SMAP1: variants seen among roughly 807,000 people sequenced by gnomAD.
SMAP1 encodes the protein small ArfGAP 1, also known as stromal membrane-associated protein 1.
A neutral mutation model predicts 58.5 loss-of-function variants in SMAP1; 24 were observed. The observed-to-expected ratio is 0.41, with a 90% CI of 0.30 to 0.58. The LOEUF (loss-of-function observed/expected upper bound fraction) is 0.58, where lower values mean the gene tolerates loss of function less well. Among genes scored for constraint, SMAP1 ranks in the 20% least tolerant of loss-of-function variants. The probability of loss-of-function intolerance (pLI) is 0.29; values close to 1 mark genes in which losing one functional copy is unlikely to be tolerated. For synonymous variants in SMAP1, 216 were observed against 196.6 expected (o/e 1.10, Z -0.82); for missense variants, 563 against 566.3 (o/e 0.99, Z 0.06).
intron 9 of SMAP1, 103 bp from the exon 10 acceptor site, chr6:70,857,818 GT>G (rs1288455915): frequency 3.1e-6 from 4 of 1,271,126 alleles, no homozygotes; most frequent in East Asian, 4.8e-5. Context: ...GAATTAAAAT[GT>G]TTGCTGTGAG....
chr6:70,841,056 T>C (rs200166635), intron 7 of SMAP1, among the ~76,000 whole-genome samples: 1 of 152,240 alleles, frequency 6.6e-6, no homozygotes, highest in East Asian at 1.9e-4. Flanking sequence ...ATTGACAGAC[T>C]GCTTACCAAT....
At chr6:70,800,914 T>C (rs1465337374) in intron 6 of SMAP1, among the ~76,000 whole-genome samples, 1 of 152,206 alleles carries the variant, frequency 6.6e-6, no homozygotes, top group African/African-American at 2.4e-5. Flanking sequence ...ATCCAGTCTA[T>C]CATTGATGGA....
chr6:70,740,806 A>G (rs1226307363), intron 2 of SMAP1, among the ~76,000 whole-genome samples: 4 of 152,196 alleles, frequency 2.6e-5, no homozygotes, highest in Non-Finnish European at 5.9e-5. Flanking sequence ...GTAATTTCTA[A>G]AGAAAAAGAG....
At chr6:70,787,411 A>T (rs923438156) in intron 4 of SMAP1, among the ~76,000 whole-genome samples, 11 of 152,198 alleles carry the variant, frequency 7.2e-5, no homozygotes, top group Non-Finnish European at 7.4e-5. Context: ...TGTCTAAAAC[A>T]CCAAGAGCAA....
intron 1 of SMAP1, among the ~76,000 whole-genome samples, chr6:70,724,220 G>A (rs914002943): frequency 6.7e-6 from 1 of 149,414 alleles, no homozygotes; most frequent in African/African-American, 2.5e-5. Flanking sequence ...TTTTGAAATG[G>A]AATTTCAATC....
rs575836037 is a variant in SMAP1 at position 70,790,377 on chromosome 6, G to C, written c.415-1312G>C. On this transcript the variant is annotated intron_variant, in intron 4 of 10. Coordinates refer to ENST00000370455, the MANE Select transcript of SMAP1 (RefSeq NM_001044305.3). Reference sequence around the variant, plus strand: ...TGGTCTCGAACTCCTGAACTCAAGTGATCTGCGTGCCTTGGCCTCCCAAAG... The same window carrying C: ...TGGTCTCGAACTCCTGAACTCAAGTCATCTGCGTGCCTTGGCCTCCCAAAG... Among the ~76,000 whole-genome samples the C allele has an allele frequency of 5.9e-5, 9 of 152,236 alleles. No homozygotes were observed. The East Asian group carries it at 7.7e-4, about 13-fold the overall frequency.
At chr6:70,673,611 GTTTA>G (rs573999268) in intron 1 of SMAP1, among the ~76,000 whole-genome samples, 32 of 152,214 alleles carry the variant, frequency 2.1e-4, no homozygotes, top group Non-Finnish European at 3.5e-4. Flanking sequence ...GGGAACTGGT[GTTTA>G]TTATGATGTT....
intron 9 of SMAP1, 123 bp from the exon 10 acceptor site, chr6:70,857,799 G>A (rs1771495817): frequency 3.6e-6 from 4 of 1,111,238 alleles, no homozygotes; most frequent in South Asian, 1.6e-5. Flanking sequence ...AGTAGGAGCA[G>A]CCAAACTGGA....
chr6:70,673,286 G>A (rs917158366), intron 1 of SMAP1, among the ~76,000 whole-genome samples: 2 of 152,170 alleles, frequency 1.3e-5, no homozygotes, highest in African/African-American at 4.8e-5. Context: ...GCTGATGGGG[G>A]CATAAGGCCT....
At chr6:70,738,734 CAAA>C (rs1240100213) in intron 2 of SMAP1, among the ~76,000 whole-genome samples, 14 of 151,966 alleles carry the variant, frequency 9.2e-5, no homozygotes, top group African/African-American at 3.1e-4. Context: ...AGTGAACAGG[CAAA>C]AGAGTATTGA....
chr6:70,675,576 G>A (rs1041163041), intron 1 of SMAP1, among the ~76,000 whole-genome samples: 1 of 151,728 alleles, frequency 6.6e-6, no homozygotes, highest in Non-Finnish European at 1.5e-5. Context: ...ACTTGAAACC[G>A]GAATGCGGAG....
rs1390473610 is a variant in SMAP1, at chr6:70,796,799, C to A, written c.496-1858C>A. 5.3e-5 allele frequency among the ~76,000 whole-genome samples: 8 copies of A among 152,154 alleles called. No homozygotes were observed. In the East Asian group the frequency reaches 1.5e-3, roughly 29 times the overall value. ...TGGTAACTAAAGCATATAGATTACT[C>A]TTCAGGTTTTAGCACAAGTTCAACT... On this transcript the variant is annotated intron_variant, in intron 5 of 10. Coordinates refer to ENST00000370455, the MANE Select transcript of SMAP1 (RefSeq NM_001044305.3).
intron 6 of SMAP1, among the ~76,000 whole-genome samples, chr6:70,816,228 A>G (rs1224628155): frequency 6.6e-6 from 1 of 152,202 alleles, no homozygotes; most frequent in Non-Finnish European, 1.5e-5. Context: ...TTTGGCAATT[A>G]TCCAATTTAA....
chr6:70,686,485 T>G (rs901158382), intron 1 of SMAP1, among the ~76,000 whole-genome samples: 2 of 152,208 alleles, frequency 1.3e-5, no homozygotes, highest in African/African-American at 4.8e-5. Context: ...TACTTTGTTT[T>G]GTTTGAGGAA....
intron 6 of SMAP1, among the ~76,000 whole-genome samples, chr6:70,807,794 C>T (rs1229866913): frequency 6.6e-6 from 1 of 152,062 alleles, no homozygotes; most frequent in Non-Finnish European, 1.5e-5. Context: ...ATACAGGTGA[C>T]ACTAGAACAG....
intron 1 of SMAP1, among the ~76,000 whole-genome samples, chr6:70,697,969 G>A (rs180993021): frequency 2.6e-5 from 4 of 152,178 alleles, no homozygotes; most frequent in East Asian, 1.9e-4. Context: ...AATATTCTGC[G>A]TTTTTTTGTG....
At chr6:70,857,169 C>A in intron 9 of SMAP1, 139 bp downstream of exon 9, 1 of 787,112 alleles carries the variant, frequency 1.3e-6, no homozygotes, top group Non-Finnish European at 1.8e-6. Context: ...AACTATGAAG[C>A]CGAAATGAAT....
intron 6 of SMAP1, among the ~76,000 whole-genome samples, chr6:70,804,181 GT>G (rs1554203928): frequency 6.6e-6 from 1 of 152,132 alleles, no homozygotes; most frequent in Non-Finnish European, 1.5e-5. Context: ...CCTGTATTGG[GT>G]GCATATATAT....
chr6:70,798,639 C>A lies in SMAP1; in HGVS notation c.496-18C>A. 6.1e-6 allele frequency: 9 copies of A among 1,476,492 alleles called. No homozygotes were observed. The highest frequency in any genetic ancestry group is 1.4e-5 in the South Asian group (1 of 69,084). The allele number at this position is 1,476,492 out of a possible 1,614,324, so 91.5% of individuals were successfully genotyped here. A position where few individuals can be genotyped will look rare whatever the true frequency, so the allele number is the denominator to read the frequency against. Reference sequence around the variant, plus strand: ...TTTTAAAAAAGTAAACTTATCAAAACTTTGGGCTGTGTTTTAGAAAGAAAA... The same window carrying A: ...TTTTAAAAAAGTAAACTTATCAAAAATTTGGGCTGTGTTTTAGAAAGAAAA... On this transcript the variant is annotated intron_variant, in intron 5 of 10. Transcript: ENST00000370455.
Sources: gnomAD v4.1 joint callset for allele counts (sites outside exome capture counted in the v4.1 genomes callset) on GRCh38, gnomAD v4.1.1 for gene constraint, MANE v1.5 for transcripts, NCBI Gene and HGNC (gene_info 2026-07-23, HGNC 2026-07-21) for gene names.